ARHGAP44: variants seen among roughly 807,000 people sequenced by gnomAD.
The protein encoded by ARHGAP44 is Rho GTPase activating protein 44.
Under a neutral mutation model 106.8 loss-of-function variants are expected in ARHGAP44, and 43 were observed. The observed-to-expected ratio is 0.40, with a 90% CI of 0.32 to 0.52. The LOEUF (loss-of-function observed/expected upper bound fraction) is 0.52. ARHGAP44 is among the 20% of genes least tolerant of loss of function. The pLI is 0.48. For missense variants in ARHGAP44, 866 were observed against 1,050.5 expected, an observed-to-expected ratio of 0.82 and a Z score of 2.43; for synonymous variants, 439 against 410.3, an observed-to-expected ratio of 1.07 and a Z score of -0.85.
chr17:12,809,890 G>A (rs546504865), intron 1 of ARHGAP44, among the ~76,000 whole-genome samples: 1 of 152,184 alleles, frequency 6.6e-6, no homozygotes, highest in South Asian at 2.1e-4. Flanking sequence ...AAGGGTGCTT[G>A]TGCCAGTCAC....
chr17:12,912,385 GAAAAAATTAGAAAATT>G lies in ARHGAP44; in HGVS notation c.275+3429_275+3444del, dbSNP rs57204176. ...CAGACAATAGAACACACAGACAGTAGAAAAAATTAGAAAATTAAAAAATTAGAAAATTTTAGAAAAT... is the reference window on the plus strand; with the variant it reads ...CAGACAATAGAACACACAGACAGTAGAAAAAATTAGAAAATTTTAGAAAAT... On this transcript the variant is annotated intron_variant, in intron 4 of 20. Transcript: ENST00000379672. Among the ~76,000 whole-genome samples the G allele has an allele frequency of 0.026, 3,977 of 151,816 alleles. 245 individuals carry two copies. In the East Asian group the frequency reaches 0.3, roughly 11 times the overall value.
At chr17:12,974,332 C>T (rs1213310232) in intron 18 of ARHGAP44, 22 bp downstream of exon 18, 2 of 1,386,698 alleles carry the variant, frequency 1.4e-6, no homozygotes, top group Non-Finnish European at 1.9e-6. Flanking sequence ...CCACTGCCGT[C>T]CGGGCGGGCT....
In ARHGAP44 at chr17:12,883,698, A is replaced by G. The variant is rs2036803278; in HGVS notation, c.54-11242A>G. 2.6e-5 allele frequency among the ~76,000 whole-genome samples: 4 copies of G among 152,178 alleles called. No homozygotes were observed. The South Asian group carries it at 8.3e-4, about 31-fold the overall frequency. On this transcript the variant is annotated intron_variant, in intron 1 of 20. Transcript: ENST00000379672. ...TGAATTTAAATTACACTGGGGTCAG[A>G]GAACATCATCTTTGTGACTTCTGAC...
chr17:12,977,757 G>A (rs1181142821), intron 18 of ARHGAP44, among the ~76,000 whole-genome samples: 4 of 152,064 alleles, frequency 2.6e-5, no homozygotes, highest in Non-Finnish European at 2.9e-5. Flanking sequence ...AAGTGTGTCC[G>A]GGCCGGGCGT....
intron 1 of ARHGAP44, among the ~76,000 whole-genome samples, chr17:12,832,071 C>T (rs1350741538): frequency 6.6e-6 from 1 of 152,138 alleles, no homozygotes; most frequent in Non-Finnish European, 1.5e-5. Flanking sequence ...CCAGAAAGAG[C>T]CAATTTACCA....
rs761201233 is a variant in ARHGAP44, at chr17:12,908,880, A to G, written c.199-17A>G. 7 of 1,598,198 alleles carry G rather than the reference A, an allele frequency of 4.4e-6. No homozygotes were observed. In the African/African-American group the frequency reaches 6.7e-5, roughly 15 times the overall value. ...TATGGAAAGTAGCTTTCATTACAGC[A>G]TTTGCTTTCTTTTCAGAAAAAGTTG... On this transcript the variant is annotated splice_polypyrimidine_tract_variant and intron_variant, in intron 3 of 20. Coordinates refer to ENST00000379672, the MANE Select transcript of ARHGAP44 (RefSeq NM_014859.6).
At chr17:12,966,026 A>C (rs113654823) in intron 16 of ARHGAP44, among the ~76,000 whole-genome samples, 15,246 of 152,112 alleles carry the variant, frequency 0.1, 888 homozygotes, top group South Asian at 0.2. Flanking sequence ...ATGGTGGCAC[A>C]CACCTATAGT....
intron 3 of ARHGAP44, among the ~76,000 whole-genome samples, chr17:12,905,222 T>C (rs2037512285): frequency 6.6e-6 from 1 of 152,094 alleles, no homozygotes; most frequent in Non-Finnish European, 1.5e-5. Flanking sequence ...ATAGATATGA[T>C]AGAGAATGAG....
chr17:12,876,108 C>T (rs978784697), intron 1 of ARHGAP44, among the ~76,000 whole-genome samples: 1 of 152,108 alleles, frequency 6.6e-6, no homozygotes, highest in African/African-American at 2.4e-5. Flanking sequence ...ATCCATACCC[C>T]CACTCAGCTC....
Position 12,859,242 on chromosome 17 carries a change from G to A in ARHGAP44, c.54-35698G>A, listed in dbSNP as rs558721595. Among the ~76,000 whole-genome samples the A allele has an allele frequency of 8.5e-5, 13 of 152,322 alleles. No individual in the cohort carries two copies. The South Asian group carries it at 1.7e-3, about 19-fold the overall frequency. On this transcript the variant is annotated intron_variant, in intron 1 of 20. Coordinates refer to ENST00000379672, the MANE Select transcript of ARHGAP44 (RefSeq NM_014859.6). ...TGCTTGCAGCCACCACGAGCTAGGC[G>A]AGAGGCCTGGGACAGATTCTCCCTC...
rs1008885402 is a variant in ARHGAP44 at position 12,837,664 on chromosome 17, G to A, written c.53+47773G>A. ...GATCAGGGCAGGTAGTAGAACTGGT[G>A]AATGCGCAAGGCTTTGACGAGGGTT... On this transcript the variant is annotated intron_variant, in intron 1 of 20. Coordinates refer to ENST00000379672, the MANE Select transcript of ARHGAP44 (RefSeq NM_014859.6). Among the ~76,000 whole-genome samples the A allele has an allele frequency of 1.5e-4, 23 of 152,034 alleles. 2 individuals carry two copies. The highest frequency in any genetic ancestry group is 2.1e-4 in the South Asian group (1 of 4,814).
chr17:12,869,855 A>G (rs1456735989), intron 1 of ARHGAP44, among the ~76,000 whole-genome samples: 2 of 151,978 alleles, frequency 1.3e-5, no homozygotes, highest in East Asian at 1.9e-4. Flanking sequence ...TATATCTTCA[A>G]TAGCTTTACA....
chr17:12,853,716 A>G (rs925694976), intron 1 of ARHGAP44, among the ~76,000 whole-genome samples: 2 of 152,080 alleles, frequency 1.3e-5, no homozygotes, highest in African/African-American at 4.8e-5. Context: ...GTTAACTCGC[A>G]TTTTCTCTGT....
intron 1 of ARHGAP44, among the ~76,000 whole-genome samples, chr17:12,843,141 G>A (rs907551050): frequency 6.6e-6 from 1 of 152,170 alleles, no homozygotes; most frequent in Admixed American, 6.5e-5. Flanking sequence ...ACATCCAAAT[G>A]TCCCTTCTGC....
chr17:12,888,748 G>T (rs2036954970), intron 1 of ARHGAP44, among the ~76,000 whole-genome samples: 1 of 151,938 alleles, frequency 6.6e-6, no homozygotes, highest in Admixed American at 6.6e-5. Flanking sequence ...TCAGTTTTTT[G>T]CTTCATATAT....
intron 18 of ARHGAP44, among the ~76,000 whole-genome samples, chr17:12,979,351 T>C (rs1475642817): frequency 6.6e-6 from 1 of 152,142 alleles, no homozygotes; most frequent in African/African-American, 2.4e-5. Context: ...TTAGGAAACC[T>C]GGTGACCTAG....
At chr17:12,833,968 T>C (rs1024083649) in intron 1 of ARHGAP44, among the ~76,000 whole-genome samples, 10 of 147,750 alleles carry the variant, frequency 6.8e-5, no homozygotes, top group Non-Finnish European at 1.5e-4. Flanking sequence ...TTTTTTTTTT[T>C]CAGACTTAAA....
chr17:12,803,216 C>T (rs1432859018), intron 1 of ARHGAP44, among the ~76,000 whole-genome samples: 3 of 151,636 alleles, frequency 2.0e-5, no homozygotes, highest in African/African-American at 7.3e-5. Context: ...AGGTGATCCA[C>T]CCGCCTCGGC....
At chr17:12,871,677 G>C (rs766270978) in intron 1 of ARHGAP44, among the ~76,000 whole-genome samples, 6 of 152,130 alleles carry the variant, frequency 3.9e-5, no homozygotes, top group Non-Finnish European at 7.4e-5. Flanking sequence ...ACAATTCAAC[G>C]TGAAATTTGG....
Sources: allele counts gnomAD v4.1 joint callset (sites outside exome capture counted in the v4.1 genomes callset), GRCh38; gene constraint gnomAD v4.1.1; transcripts MANE v1.5; gene names NCBI Gene and HGNC (gene_info 2026-07-23, HGNC 2026-07-21).